ELP5: variants seen among roughly 807,000 people sequenced by gnomAD.
ELP5 encodes elongator acetyltransferase complex subunit 5.
Under a neutral mutation model 33.4 loss-of-function variants are expected in ELP5, and 34 were observed. The observed-to-expected ratio is 1.02, with a 90% CI of 0.78 to 1.36. The LOEUF (loss-of-function observed/expected upper bound fraction) is 1.36. Among genes scored for constraint, ELP5 ranks in the 40% most tolerant of loss-of-function variants. The pLI is 0.00. For missense variants in ELP5, 373 were observed against 371.7 expected (o/e 1.00, Z -0.03); for synonymous variants, 161 against 146.4 (o/e 1.10, Z -0.72).
chr17:7,253,422 G>A (rs1436747509), intron 3 of ELP5, among the ~76,000 whole-genome samples: 2 of 152,200 alleles, frequency 1.3e-5, no homozygotes, highest in Non-Finnish European at 2.9e-5. Flanking sequence ...TAAGGCAGTG[G>A]CAGTAGAGAT....
At chr17:7,257,425 C>T (rs1464205297) in intron 5 of ELP5, among the ~76,000 whole-genome samples, 1 of 135,012 alleles carries the variant, frequency 7.4e-6, no homozygotes, top group African/African-American at 2.9e-5. Flanking sequence ...GTTTTATTCC[C>T]TTGGAGTTTT....
At chr17:7,252,740 C>G in intron 1 of ELP5, 30 bp from the exon 2 acceptor site, 1 of 1,613,996 alleles carries the variant, frequency 6.2e-7, no homozygotes, top group Non-Finnish European at 8.5e-7. Flanking sequence ...CCAGCGCTCT[C>G]ATACCCTTTA....
chr17:7,255,122 G>A (rs2072048139), intron 4 of ELP5, among the ~76,000 whole-genome samples: 1 of 151,946 alleles, frequency 6.6e-6, no homozygotes, highest in Non-Finnish European at 1.5e-5. Context: ...CTGGGTCCTT[G>A]CCTTCCAGGA....
chr17:7,254,465 C>T (rs1277849665), intron 3 of ELP5, 118 bp from the exon 4 acceptor site: 10 of 718,134 alleles, frequency 1.4e-5, no homozygotes, highest in Admixed American at 3.0e-5. Flanking sequence ...TTATCTTTCA[C>T]TAATATTTAG....
At chr17:7,258,517 G>A in intron 5 of ELP5, 71 bp from the exon 6 acceptor site, 1 of 1,435,636 alleles carries the variant, frequency 7.0e-7, no homozygotes, top group Non-Finnish European at 9.7e-7. Flanking sequence ...GGGGGCTGAG[G>A]ATGTGAGGTC....
chr17:7,258,667 A>G lies in ELP5; in HGVS notation c.671A>G (p.Asp224Gly), dbSNP rs1435249268. 2 of 1,614,084 alleles carry G rather than the reference A, an allele frequency of 1.2e-6. No individual in the cohort carries two copies. Among genetic ancestry groups the G allele is most frequent in the Admixed American group, 1.7e-5 (1 of 60,002 alleles). ...TCTGTAGAGTCCCAGCCCTACTCCG[A>G]TCCTCATATACCCCCGGTATCTAAG... The part of the protein sequence containing the change: ...GPSVESQPYS[D>G]PHIPPVDPTT... Residue 224 changes from aspartate to glycine, a missense_variant, in exon 6 of 8, where the codon GAT becomes GGT. Transcript: ENST00000396628.
chr17:7,259,661 C>G lies in ELP5; in HGVS notation c.879C>G (p.Asp293Glu), dbSNP rs763903125. The G allele has an allele frequency of 1.2e-6, 2 of 1,614,214 alleles. No homozygotes were observed. Among genetic ancestry groups the G allele is most frequent in the Admixed American group, 3.3e-5 (2 of 60,018 alleles). The change falls in exon 8 of 8, where the codon GAC (aspartate) becomes GAG (glutamate). Residue 293 changes from aspartate (D) to glutamate (E), a missense_variant. Transcript: ENST00000396628. ...CTTATGATGACCTGGACCAAGAAGA[C>G]CCAGATGACGACCTGGATATTTGAC... ...PDAYDDLDQEDPDDDLDI is the reference protein window; with the variant it reads ...PDAYDDLDQEEPDDDLDI
chr17:7,251,973 G>C (rs1468350651), upstream of ELP5: 1 of 173,924 alleles, frequency 5.7e-6, no homozygotes, highest in Non-Finnish European at 1.3e-5. Context: ...ACCGTCCAAA[G>C]GACTCCCTCT....
rs1270160080 is a variant in ELP5, at chr17:7,252,826, C to CT, written c.104dup (p.Cys36ValfsTer11). 6.8e-6 allele frequency: 11 copies of CT among 1,614,126 alleles called. No individual in the cohort carries two copies. Among genetic ancestry groups the CT allele is most frequent in the South Asian group, 5.5e-5 (5 of 91,092 alleles). On this transcript the variant is annotated frameshift_variant, in exon 2 of 8. Transcript: ENST00000396628. LOFTEE classifies it high-confidence loss of function. ...GAAGGCGCTTGTCAAGAAATCTGCA[C>CT]TGTGGTGAGTATCCCACAGTGTCTC... is the stretch of plus-strand genomic sequence containing the variant.
chr17:7,254,624 C>A lies in ELP5; in HGVS notation c.230C>A (p.Ser77Ter). The A allele has an allele frequency of 6.2e-7, 1 of 1,613,978 alleles. No homozygotes were observed. Among genetic ancestry groups the A allele is most frequent in the South Asian group, 1.1e-5 (1 of 91,036 alleles). The change falls in exon 4 of 8, where the codon TCA becomes TAA. Residue 77 changes from serine to a stop codon, truncating the protein, a stop_gained. Coordinates refer to ENST00000396628, the MANE Select transcript of ELP5 (RefSeq NM_203414.3). LOFTEE classifies it high-confidence loss of function. The stretch of plus-strand genomic sequence containing the variant: ...TTCTTCAGAGACCCTCTCAACTGGT[C>A]AAAAACTGAGGAGGCCTTTCCTGGG... ...HDFFRDPLNW[S>*]KTEEAFPGGP...
At chr17:7,256,480 A>C (rs969759981) in intron 4 of ELP5, among the ~76,000 whole-genome samples, 2 of 152,220 alleles carry the variant, frequency 1.3e-5, no homozygotes, top group Non-Finnish European at 2.9e-5. Flanking sequence ...ATGCTCCCAA[A>C]AAGGGAGGCA....
intron 5 of ELP5, among the ~76,000 whole-genome samples, chr17:7,257,570 G>T (rs577899229): frequency 6.6e-6 from 1 of 151,952 alleles, no homozygotes; most frequent in East Asian, 1.9e-4. Context: ...AGCTGGAGGT[G>T]GGAGCACAGG....
rs2072031097 is a variant in ELP5, at chr17:7,254,637, G to A, written c.243G>A (p.Glu81=). The change falls in exon 4 of 8, where the codon GAG becomes GAA. Residue 81 remains glutamate, a synonymous_variant. Transcript: ENST00000396628. ...CTCTCAACTGGTCAAAAACTGAGGA[G>A]GCCTTTCCTGGGGGGCCGCTGGGAG... The part of the protein sequence containing the change: ...RDPLNWSKTE[E]AFPGGPLGAL... 6.2e-7 allele frequency: 1 copy of A among 1,614,128 alleles called. No homozygotes were observed. The highest frequency in any genetic ancestry group is 1.1e-5 in the South Asian group (1 of 91,066).
In ELP5 at chr17:7,252,241, G is replaced by A. The variant is rs374518205; in HGVS notation, c.-310G>A. The A allele has an allele frequency of 6.4e-6, 3 of 470,128 alleles. No individual in the cohort carries two copies. Among genetic ancestry groups the A allele is most frequent in the Non-Finnish European group, 1.2e-5 (3 of 256,610 alleles). The allele number at this position is 470,128 out of a possible 1,614,324, so 29.1% of individuals were successfully genotyped here. A position where few individuals can be genotyped will look rare whatever the true frequency, so the allele number is the denominator to read the frequency against. ...CTTGGCCCGCGCTTAGGGCCCTCGC[G>A]GGGGGCTTGTGGGTCCTCCTCCCCC... On this transcript the variant is annotated 5_prime_UTR_variant, in exon 1 of 8. Transcript: ENST00000396628.
chr17:7,251,951 A>G (rs541843468), upstream of ELP5: 202 of 159,486 alleles, frequency 1.3e-3, no homozygotes, highest in Non-Finnish European at 2.1e-3. Flanking sequence ...CCACTCTGAC[A>G]GGCGCCATTT....
At chr17:7,254,898 C>T (rs2072039943) in intron 4 of ELP5, 95 bp downstream of exon 4, 12 of 981,294 alleles carry the variant, frequency 1.2e-5, no homozygotes, top group Non-Finnish European at 1.8e-5. Context: ...CATCTGGGTT[C>T]TCCAGTCAGA....
At position 7,254,582 on chromosome 17, in the gene ELP5, G is replaced by A. The variant is rs1307027959; in HGVS notation, c.189-1G>A. The stretch of plus-strand genomic sequence containing the variant: ...TATTGTGTCTTATTTTCCCTTTGCA[G>A]GCTGGTTTACCATGACTTCTTCAGA... On this transcript the variant is annotated splice_acceptor_variant, in intron 3 of 7. Transcript: ENST00000396628. LOFTEE classifies it high-confidence loss of function. 11 of 1,605,564 alleles carry A rather than the reference G, an allele frequency of 6.9e-6. No homozygotes were observed. Among genetic ancestry groups the A allele is most frequent in the Non-Finnish European group, 8.5e-6 (10 of 1,173,574 alleles).
In ELP5 at chr17:7,258,824, A is replaced by G; in HGVS notation, c.688-2A>G. 1 of 1,614,198 alleles carries G rather than the reference A, an allele frequency of 6.2e-7. No homozygotes were observed. The highest frequency in any genetic ancestry group is 1.3e-5 in the African/African-American group (1 of 75,044). ...GAGTGGCAGCATCCTTTGTACCTACAGGTGGATCCCACAACTCATTTGACC... is the reference window on the plus strand; with the variant it reads ...GAGTGGCAGCATCCTTTGTACCTACGGGTGGATCCCACAACTCATTTGACC... On this transcript the variant is annotated splice_acceptor_variant, in intron 6 of 7. Coordinates refer to ENST00000396628, the MANE Select transcript of ELP5 (RefSeq NM_203414.3). LOFTEE classifies it high-confidence loss of function.
Position 7,258,639 on chromosome 17 carries a change from C to G in ELP5, c.643C>G (p.Pro215Ala), listed in dbSNP as rs200313438. 35 of 1,614,126 alleles carry G rather than the reference C, an allele frequency of 2.2e-5. No individual in the cohort carries two copies. The East Asian group carries it at 7.6e-4, about 35-fold the overall frequency. ...PDFSLDLQEGPSVESQPYSDP... is the reference protein window; with the variant it reads ...PDFSLDLQEGASVESQPYSDP... ...CTTCAGCCTGGATCTCCAAGAGGGG[C>G]CCTCTGTAGAGTCCCAGCCCTACTC... The change falls in exon 6 of 8, where the codon CCC becomes GCC. Residue 215 changes from proline (P) to alanine (A), a missense_variant. By Grantham distance (27) the Pro-to-Ala change is conservative. Coordinates refer to ENST00000396628, the MANE Select transcript of ELP5 (RefSeq NM_203414.3).
Sources: gnomAD v4.1 joint callset for allele counts (sites outside exome capture counted in the v4.1 genomes callset) on GRCh38, gnomAD v4.1.1 for gene constraint, MANE v1.5 for transcripts, NCBI Gene and HGNC (gene_info 2026-07-23, HGNC 2026-07-21) for gene names.